The following PTPRM variants were observed in gnomAD, a reference collection of about 807,000 sequenced individuals.
The protein encoded by PTPRM is protein tyrosine phosphatase receptor type M, also known as receptor-type tyrosine-protein phosphatase mu.
A neutral mutation model predicts 186.7 loss-of-function variants in PTPRM; 47 were observed. The observed-to-expected ratio is 0.25, with a 90% CI of 0.20 to 0.32. The LOEUF is 0.32. PTPRM is among the 10% of genes least tolerant of loss of function. The pLI is 1.00. For missense variants in PTPRM, 1,494 were observed against 1,865.0 expected, an observed-to-expected ratio of 0.80 and a Z score of 3.66; for synonymous variants, 668 against 674.9, an observed-to-expected ratio of 0.99 and a Z score of 0.16.
At chr18:8,289,567 T>TATATACACAC (rs2095013625) in intron 19 of PTPRM, among the ~76,000 whole-genome samples, 1 of 123,690 alleles carries the variant, frequency 8.1e-6, no homozygotes, top group African/African-American at 3.7e-5. Context: ...TATACACATA[T>TATATACACAC]ATATATATAC....
In PTPRM at chr18:7,994,340, G is replaced by A. The variant is rs575431140; in HGVS notation, c.1132+38926G>A. ...GATATATAAAGCAAATATCATTAGC[G>A]CTAATGGAAGAGATAGACTCCGTTA... On this transcript the variant is annotated intron_variant, in intron 7 of 32. Transcript: ENST00000580170. 3.3e-5 allele frequency among the ~76,000 whole-genome samples: 5 copies of A among 151,690 alleles called. No individual in the cohort carries two copies. In the South Asian group the frequency reaches 1.0e-3, roughly 32 times the overall value.
chr18:8,057,425 C>CTTTTTTTTTTTTTTTTTTTTTTTATTTTT (rs763829289), intron 7 of PTPRM, among the ~76,000 whole-genome samples: 1 of 102,560 alleles, frequency 9.8e-6, no homozygotes, highest in African/African-American at 4.3e-5. Context: ...TGTGATACTT[C>CTTTTTTTTTTTTTTTTTTTTTTTATTTTT]TTTTTTTTTT....
chr18:8,135,096 C>T (rs997873574), intron 13 of PTPRM, among the ~76,000 whole-genome samples: 2 of 152,172 alleles, frequency 1.3e-5, no homozygotes, highest in Admixed American at 6.5e-5. Context: ...TTTCTTCCTT[C>T]CTATCTTATT....
chr18:7,860,818 C>T (rs1376638998), intron 2 of PTPRM, among the ~76,000 whole-genome samples: 1 of 152,174 alleles, frequency 6.6e-6, no homozygotes, highest in Admixed American at 6.5e-5. Flanking sequence ...AAGGTAGAGG[C>T]CCACTCCCTA....
At chr18:7,663,809 A>G (rs1298334221) in intron 1 of PTPRM, among the ~76,000 whole-genome samples, 5 of 152,172 alleles carry the variant, frequency 3.3e-5, no homozygotes, top group Non-Finnish European at 7.3e-5. Context: ...GCTGAGGATA[A>G]TTGCTGGGCA....
At chr18:7,734,112 C>T (rs1414322956) in intron 1 of PTPRM, among the ~76,000 whole-genome samples, 1 of 152,182 alleles carries the variant, frequency 6.6e-6, no homozygotes, top group Admixed American at 6.5e-5. Context: ...CACACATCAG[C>T]TTTGCATTAA....
intron 31 of PTPRM, among the ~76,000 whole-genome samples, chr18:8,388,829 T>C (rs1373977034): frequency 1.3e-5 from 2 of 152,048 alleles, no homozygotes; most frequent in Non-Finnish European, 2.9e-5. Context: ...GGCATGGTGG[T>C]GGGCACCTGT....
At chr18:7,824,654 T>C (rs1307039307) in intron 2 of PTPRM, among the ~76,000 whole-genome samples, 1 of 152,248 alleles carries the variant, frequency 6.6e-6, no homozygotes, top group African/African-American at 2.4e-5. Context: ...TCTATTTTCC[T>C]GTCCAGTTAC....
chr18:7,660,269 G>C (rs964653007), intron 1 of PTPRM, among the ~76,000 whole-genome samples: 3 of 152,076 alleles, frequency 2.0e-5, no homozygotes, highest in Non-Finnish European at 4.4e-5. Flanking sequence ...CTTGGAGGCT[G>C]AGGTTACAGT....
chr18:8,378,248 T>A lies in PTPRM; in HGVS notation c.3463-17T>A, dbSNP rs772909784. On this transcript the variant is annotated splice_polypyrimidine_tract_variant and intron_variant, in intron 26 of 32. Coordinates refer to ENST00000580170, the MANE Select transcript of PTPRM (RefSeq NM_001105244.2). ...TGGTTCTCTAAAGTTAGTAACTCGT[T>A]CCATCTCCTTCTCCAGGAGCAGTAT... 1.0e-5 allele frequency: 16 copies of A among 1,601,696 alleles called. No homozygotes were observed. In the South Asian group the frequency reaches 1.4e-4, roughly 14 times the overall value.
chr18:8,065,977 C>T (rs570939187), intron 7 of PTPRM, among the ~76,000 whole-genome samples: 2 of 152,268 alleles, frequency 1.3e-5, no homozygotes, highest in South Asian at 4.2e-4. Context: ...GTATAACTCA[C>T]TAGAGTAAAT....
At chr18:8,212,284 G>T (rs73941050) in intron 14 of PTPRM, among the ~76,000 whole-genome samples, 2,730 of 152,218 alleles carry the variant, frequency 0.018, 77 homozygotes, top group African/African-American at 0.062. Flanking sequence ...AGAATGTTGT[G>T]TGCCAGTGCC....
intron 14 of PTPRM, among the ~76,000 whole-genome samples, chr18:8,204,773 A>C (rs2093904796): frequency 6.7e-6 from 1 of 150,312 alleles, no homozygotes; most frequent in Non-Finnish European, 1.5e-5. Context: ...AACAAAAACA[A>C]AAAAAAAACA....
chr18:7,714,788 A>G (rs539203409), intron 1 of PTPRM, among the ~76,000 whole-genome samples: 2 of 152,340 alleles, frequency 1.3e-5, no homozygotes, highest in South Asian at 4.1e-4. Flanking sequence ...AAATTCCTGG[A>G]CACATACACC....
intron 1 of PTPRM, among the ~76,000 whole-genome samples, chr18:7,631,478 T>C (rs2038190903): frequency 6.6e-6 from 1 of 150,514 alleles, no homozygotes; most frequent in Non-Finnish European, 1.5e-5. Context: ...AATTTCACGA[T>C]ATGCCGGGGG....
At position 7,865,646 on chromosome 18, in the gene PTPRM, C is replaced by CT. The variant is rs528859038; in HGVS notation, c.197-22453dup. On this transcript the variant is annotated intron_variant, in intron 2 of 32. Coordinates refer to ENST00000580170, the MANE Select transcript of PTPRM (RefSeq NM_001105244.2). The stretch of plus-strand genomic sequence containing the variant: ...ATCAGGGATATTGGCCTGAAATTTT[C>CT]TTTTTTTGTTGTGTCTCTGCGAGGT... 2.4e-3 allele frequency among the ~76,000 whole-genome samples: 363 copies of CT among 152,180 alleles called. 1 individual carries two copies. Among genetic ancestry groups the CT allele is most frequent in the African/African-American group, 8.3e-3 (346 of 41,530 alleles).
intron 32 of PTPRM, among the ~76,000 whole-genome samples, chr18:8,396,059 C>T (rs1163841222): frequency 6.6e-6 from 1 of 152,144 alleles, no homozygotes; most frequent in Non-Finnish European, 1.5e-5. Context: ...GATGTAGTAA[C>T]GGATTTCCTG....
chr18:8,132,809 T>C (rs1037714688), intron 13 of PTPRM, among the ~76,000 whole-genome samples: 5 of 152,162 alleles, frequency 3.3e-5, no homozygotes, highest in Non-Finnish European at 7.4e-5. Flanking sequence ...GATATAACGT[T>C]TTGCCACTAG....
At chr18:7,733,729 A>G (rs2040709371) in intron 1 of PTPRM, among the ~76,000 whole-genome samples, 1 of 152,180 alleles carries the variant, frequency 6.6e-6, no homozygotes, top group African/African-American at 2.4e-5. Flanking sequence ...TTTCCACCTC[A>G]CAAACTGAAT....
Sources: gnomAD v4.1 joint callset for allele counts (sites outside exome capture counted in the v4.1 genomes callset) on GRCh38, gnomAD v4.1.1 for gene constraint, MANE v1.5 for transcripts, NCBI Gene and HGNC (gene_info 2026-07-23, HGNC 2026-07-21) for gene names.